Variants in MYO16 observed in about 807,000 individuals in gnomAD.
MYO16 encodes the protein myosin XVI, also known as unconventional myosin-XVI.
A neutral mutation model predicts 205.3 loss-of-function variants in MYO16; 94 were observed. That is an observed-to-expected ratio of 0.46 (90% confidence interval 0.39 to 0.54). MYO16 has a LOEUF of 0.54. Ranked by LOEUF, MYO16 falls within the 20% of genes least tolerant of loss-of-function variation. The pLI is 0.00. For missense variants in MYO16, 2,315 were observed against 2,387.5 expected (o/e 0.97, Z 0.63); for synonymous variants, 988 against 954.0 (o/e 1.04, Z -0.66).
chr13:108,843,431 C>A (rs989084923), intron 9 of MYO16, among the ~76,000 whole-genome samples: 3 of 151,960 alleles, frequency 2.0e-5, no homozygotes, highest in Non-Finnish European at 4.4e-5. Flanking sequence ...GTATATCAGT[C>A]CAATCTCACT....
intron 2 of MYO16, among the ~76,000 whole-genome samples, chr13:108,677,305 G>T (rs919094894): frequency 1.4e-5 from 2 of 147,966 alleles, no homozygotes; most frequent in Non-Finnish European, 3.0e-5. Flanking sequence ...CCCATAAGGT[G>T]CACATGCATG....
chr13:109,163,089 A>G (rs192225386), intron 32 of MYO16, among the ~76,000 whole-genome samples: 175 of 152,260 alleles, frequency 1.1e-3, no homozygotes, highest in Non-Finnish European at 2.1e-3. Context: ...CCTAGTTTTC[A>G]AAATGCCGAT....
At chr13:108,645,668 A>G (rs1026258729) in intron 1 of MYO16, among the ~76,000 whole-genome samples, 1 of 152,224 alleles carries the variant, frequency 6.6e-6, no homozygotes, top group Non-Finnish European at 1.5e-5. Context: ...GTTGCAGAAG[A>G]TGATGGATCA....
At position 109,111,339 on chromosome 13, in the gene MYO16, A is replaced by C. The variant is rs930899510; in HGVS notation, c.3439-9031A>C. 2.0e-5 allele frequency among the ~76,000 whole-genome samples: 3 copies of C among 152,228 alleles called. No individual in the cohort carries two copies. In the South Asian group the frequency reaches 6.2e-4, roughly 32 times the overall value. ...GAGAACTCTGCAGACATCAGAACACATGAAAAGATTGTGTTGTTCATATCA... is the reference window on the plus strand; with the variant it reads ...GAGAACTCTGCAGACATCAGAACACCTGAAAAGATTGTGTTGTTCATATCA... On this transcript the variant is annotated intron_variant, in intron 28 of 34. Transcript: ENST00000457511.
At chr13:109,010,847 A>C (rs936323738) in intron 22 of MYO16, among the ~76,000 whole-genome samples, 6 of 151,696 alleles carry the variant, frequency 4.0e-5, no homozygotes, top group Non-Finnish European at 8.8e-5. Flanking sequence ...GTTGAAATAA[A>C]GAATTGTTTG....
At chr13:108,595,881 CTTTTT>C (rs67620613), upstream of MYO16, among the ~76,000 whole-genome samples, 1 of 108,314 alleles carries the variant, frequency 9.2e-6, no homozygotes, top group Non-Finnish European at 1.8e-5. Flanking sequence ...AAATTAAGTC[CTTTTT>C]TTTTTTTTTT....
rs939336302 is a variant in MYO16, at chr13:108,683,112, C to A, written c.292+16963C>A. On this transcript the variant is annotated intron_variant, in intron 2 of 34. Coordinates refer to ENST00000457511, the MANE Select transcript of MYO16 (RefSeq NM_001198950.3). ...TAAATAGTATCTCCTTCAGAAATCT[C>A]CCCTGGTTTCCTCAGCTGAAGGAGT... is the stretch of plus-strand genomic sequence containing the variant. Among the ~76,000 whole-genome samples the A allele has an allele frequency of 2.6e-5, 4 of 152,156 alleles. No homozygotes were observed. The East Asian group carries it at 5.8e-4, about 22-fold the overall frequency.
chr13:108,807,534 T>A (rs1177942632), intron 7 of MYO16, among the ~76,000 whole-genome samples: 1 of 152,214 alleles, frequency 6.6e-6, no homozygotes, highest in East Asian at 1.9e-4. Context: ...TTCAGTCTCC[T>A]TATTTGTTGC....
intron 34 of MYO16, among the ~76,000 whole-genome samples, chr13:109,191,219 C>T (rs987081846): frequency 6.7e-6 from 1 of 148,766 alleles, no homozygotes; most frequent in African/African-American, 2.5e-5. Flanking sequence ...AACTCTGTCT[C>T]GAAAAAAAAA....
At chr13:108,838,920 G>A (rs369975938) in intron 9 of MYO16, among the ~76,000 whole-genome samples, 237 of 152,130 alleles carry the variant, frequency 1.6e-3, no homozygotes, top group African/African-American at 5.6e-3. Flanking sequence ...GCTTGTGGAA[G>A]GAAGAAGGTC....
At chr13:108,594,047 C>T (rs142677637), upstream of MYO16, among the ~76,000 whole-genome samples, 126 of 152,280 alleles carry the variant, frequency 8.3e-4, no homozygotes, top group African/African-American at 2.6e-3. Flanking sequence ...CACAGACAAA[C>T]GTGATTATTA....
chr13:109,133,726 G>A (rs188119427), intron 31 of MYO16, among the ~76,000 whole-genome samples: 141 of 152,206 alleles, frequency 9.3e-4, no homozygotes, highest in African/African-American at 3.3e-3. Flanking sequence ...AACATTTTAT[G>A]CATCAATATT....
At chr13:108,808,241 T>C (rs1887174517) in intron 7 of MYO16, among the ~76,000 whole-genome samples, 1 of 151,508 alleles carries the variant, frequency 6.6e-6, no homozygotes, top group South Asian at 2.1e-4. Flanking sequence ...CTATGAAAAC[T>C]AGGCATAGAC....
chr13:108,852,457 C>T (rs1877928152), intron 10 of MYO16, among the ~76,000 whole-genome samples: 1 of 152,172 alleles, frequency 6.6e-6, no homozygotes, highest in African/African-American at 2.4e-5. Context: ...ACTACATGTC[C>T]TCTCTGGGCC....
Position 109,125,641 on chromosome 13 carries a change from C to T in MYO16, c.3782+283C>T, listed in dbSNP as rs967849894. Among the ~76,000 whole-genome samples, 3 of 152,186 alleles carry T rather than the reference C, an allele frequency of 2.0e-5. No individual in the cohort carries two copies. The highest frequency in any genetic ancestry group is 2.0e-4 in the Admixed American group (3 of 15,274). ...TAACTACCTCAAGCACACTCTAGTT[C>T]TAAAGCATTTACTGTTTCTGTATTA... is the stretch of plus-strand genomic sequence containing the variant. On this transcript the variant is annotated intron_variant, in intron 30 of 34. Transcript: ENST00000457511. This position sits in a 1 kb window ranked among gnomAD's most constrained non-coding sequence, Gnocchi z 4.0.
chr13:109,070,989 A>G (rs751118784), intron 27 of MYO16, among the ~76,000 whole-genome samples: 32 of 152,172 alleles, frequency 2.1e-4, no homozygotes, highest in Non-Finnish European at 3.5e-4. Flanking sequence ...ACTACCAACT[A>G]CATCATTGTG....
At position 108,690,368 on chromosome 13, in the gene MYO16, AG is replaced by A. The variant is rs1882845858; in HGVS notation, c.293-22292del. ...AACTGCCCAACTCATTTCCTACTTA[AG>A]AATGGGAAGTCTCCTTGGTCTTGCG... On this transcript the variant is annotated intron_variant, in intron 2 of 34. Coordinates refer to ENST00000457511, the MANE Select transcript of MYO16 (RefSeq NM_001198950.3). 1.3e-5 allele frequency among the ~76,000 whole-genome samples: 2 copies of A among 150,446 alleles called. 1 individual carries two copies. Among genetic ancestry groups the A allele is most frequent in the African/African-American group, 4.9e-5 (2 of 40,646 alleles).
intron 16 of MYO16, among the ~76,000 whole-genome samples, chr13:108,913,462 A>G (rs1881355679): frequency 6.6e-6 from 1 of 152,148 alleles, no homozygotes; most frequent in Non-Finnish European, 1.5e-5. Flanking sequence ...ATATTTGTTT[A>G]ATGTTTAAAT....
At chr13:108,510,461 G>GT in the MYO16 span, among the ~76,000 whole-genome samples, 1,032 of 45,904 alleles carry the variant, frequency 0.022, 90 homozygotes, top group African/African-American at 0.068. Flanking sequence ...ATTGATAGCT[G>GT]TTTTTTTTTT....
Sources: allele counts gnomAD v4.1 joint callset (sites outside exome capture counted in the v4.1 genomes callset), GRCh38; gene constraint gnomAD v4.1.1; non-coding constraint Gnocchi (gnomAD v3.1); transcripts MANE v1.5; gene names NCBI Gene and HGNC (gene_info 2026-07-23, HGNC 2026-07-21).